The following SRGAP2 variants were observed in gnomAD, a reference collection of about 807,000 sequenced individuals.
The protein encoded by SRGAP2 is SLIT-ROBO Rho GTPase-activating protein 2.
SRGAP2 carries 15 observed loss-of-function variants against 57.2 expected under a neutral mutation model. The observed-to-expected ratio is 0.26, with a 90% CI of 0.18 to 0.40. SRGAP2 has a LOEUF of 0.40. Among genes scored for constraint, SRGAP2 ranks in the 10% least tolerant of loss-of-function variants. SRGAP2 has a pLI of 1.00. For missense variants in SRGAP2, 520 were observed against 669.6 expected (o/e 0.78, Z 2.47); for synonymous variants, 249 against 248.0 (o/e 1.00, Z -0.04).
chr1:206,450,255 T>C (rs552674125), intron 18 of SRGAP2, 131 bp from the exon 19 acceptor site: 4 of 621,004 alleles, frequency 6.4e-6, no homozygotes, highest in East Asian at 2.8e-5. Context: ...CATTTGTCTA[T>C]TGTGTGCAGT....
chr1:206,427,775 A>G (rs1660932978), intron 13 of SRGAP2, among the ~76,000 whole-genome samples: 1 of 152,102 alleles, frequency 6.6e-6, no homozygotes, highest in African/African-American at 2.4e-5. Flanking sequence ...TCTTTCTTCC[A>G]CACAGCTGAA....
intron 13 of SRGAP2, among the ~76,000 whole-genome samples, chr1:206,426,982 T>A (rs567449086): frequency 1.3e-5 from 2 of 152,360 alleles, no homozygotes; most frequent in East Asian, 3.9e-4. Context: ...TAATCCCATT[T>A]GTCTGTTTTT....
intron 2 of SRGAP2, among the ~76,000 whole-genome samples, chr1:206,257,867 C>T (rs1436849758): frequency 5.4e-5 from 8 of 146,972 alleles, no homozygotes; most frequent in African/African-American, 2.0e-4. Context: ...GGGATGGGTA[C>T]TAATGGGAAT....
intron 5 of SRGAP2, among the ~76,000 whole-genome samples, chr1:206,389,394 G>T (rs1420748986): frequency 2.0e-5 from 3 of 151,984 alleles, no homozygotes; most frequent in Non-Finnish European, 4.4e-5. Context: ...AGCCAGGATG[G>T]TCTCAATCTC....
At chr1:206,416,683 G>C (rs1380626103) in intron 11 of SRGAP2, among the ~76,000 whole-genome samples, 9 of 152,090 alleles carry the variant, frequency 5.9e-5, no homozygotes, top group African/African-American at 2.2e-4. Flanking sequence ...GGGTTTTTTG[G>C]CACCCTGCCC....
chr1:206,305,371 C>A (rs1395110696), intron 3 of SRGAP2, among the ~76,000 whole-genome samples: 1 of 151,726 alleles, frequency 6.6e-6, no homozygotes, highest in Non-Finnish European at 1.5e-5. Context: ...TCACTGGCAT[C>A]CTGTTACTTG....
intron 3 of SRGAP2, among the ~76,000 whole-genome samples, chr1:206,324,940 C>T (rs1483240299): frequency 6.7e-6 from 1 of 149,964 alleles, no homozygotes; most frequent in Non-Finnish European, 1.5e-5. Flanking sequence ...CAAGAGAAGC[C>T]CTTGAGGGAT....
At chr1:206,413,641 G>T (rs1659410345) in intron 10 of SRGAP2, among the ~76,000 whole-genome samples, 1 of 152,212 alleles carries the variant, frequency 6.6e-6, no homozygotes, top group Non-Finnish European at 1.5e-5. Context: ...ACCCAGAGGA[G>T]AGTGAGACTG....
chr1:206,205,429 G>A lies in SRGAP2; in HGVS notation c.-542G>A, dbSNP rs1456476962. On this transcript the variant is annotated splice_region_variant and 5_prime_UTR_variant, in exon 2 of 23. Coordinates refer to ENST00000573034, the MANE Select transcript of SRGAP2 (RefSeq NM_015326.5). ...CCTCCCCCTTTTCCTGCATTTACAG[G>A]CAAGTGAACCGGAGCAAACGACTTC... is the stretch of plus-strand genomic sequence containing the variant. The A allele has an allele frequency of 9.0e-6, 1 of 111,324 alleles. No individual in the cohort carries two copies. The highest frequency in any genetic ancestry group is 3.6e-5 in the African/African-American group (1 of 27,964). 6.9% of individuals were successfully genotyped at this position (111,324 alleles called of 1,614,324 possible).
chr1:206,370,181 G>A (rs1451386634), intron 4 of SRGAP2, among the ~76,000 whole-genome samples: 5 of 151,980 alleles, frequency 3.3e-5, no homozygotes, highest in African/African-American at 1.2e-4. Flanking sequence ...CAGGAGAATG[G>A]CGTGAACCCA....
intron 3 of SRGAP2, among the ~76,000 whole-genome samples, chr1:206,312,582 G>C (rs377018576): frequency 2.7e-5 from 4 of 150,472 alleles, no homozygotes; most frequent in African/African-American, 9.8e-5. Context: ...TGACCCTCTG[G>C]TTCCATCCCT....
chr1:206,457,048 C>G (rs1553378709), intron 21 of SRGAP2, among the ~76,000 whole-genome samples: 1 of 152,134 alleles, frequency 6.6e-6, no homozygotes, highest in East Asian at 1.9e-4. Context: ...ACGCTTCACT[C>G]AGATCCCCCA....
intron 2 of SRGAP2, among the ~76,000 whole-genome samples, chr1:206,253,573 C>CTTTT (rs71264673): frequency 5.6e-3 from 568 of 101,632 alleles, no homozygotes; most frequent in Non-Finnish European, 7.1e-3. Flanking sequence ...TTCTTTCTTT[C>CTTTT]TTTTTTTTTT....
At chr1:206,401,288 G>A (rs1363480180) in intron 7 of SRGAP2, 133 bp from the exon 8 acceptor site, 14 of 714,510 alleles carry the variant, frequency 2.0e-5, no homozygotes, top group Non-Finnish European at 2.9e-5. Context: ...CTTGGAAGTC[G>A]GAATGTCAGC....
At chr1:206,309,102 C>T (rs1370766854) in intron 3 of SRGAP2, among the ~76,000 whole-genome samples, 6 of 143,538 alleles carry the variant, frequency 4.2e-5, no homozygotes, top group African/African-American at 1.6e-4. Context: ...GGAGTTGGAG[C>T]CTACAGTGAG....
At chr1:206,438,950 C>G (rs1195313731) in intron 16 of SRGAP2, among the ~76,000 whole-genome samples, 1 of 152,128 alleles carries the variant, frequency 6.6e-6, no homozygotes, top group Non-Finnish European at 1.5e-5. Context: ...GAAGCTGGCT[C>G]TCTGGTTTGT....
At chr1:206,304,693 C>T (rs1173118339) in intron 3 of SRGAP2, among the ~76,000 whole-genome samples, 13 of 145,666 alleles carry the variant, frequency 8.9e-5, no homozygotes, top group Middle Eastern at 3.5e-3. Flanking sequence ...AACACACTGG[C>T]GATCAGAGAA....
Position 206,386,422 on chromosome 1 carries a change from A to G in SRGAP2, c.486+2346A>G, listed in dbSNP as rs573321065. Among the ~76,000 whole-genome samples, 858 of 143,954 alleles carry G rather than the reference A, an allele frequency of 6.0e-3. 11 individuals are homozygous for G. Among genetic ancestry groups the G allele is most frequent in the African/African-American group, 0.022 (825 of 38,318 alleles). 94.4% of individuals were successfully genotyped at this position (143,954 alleles called of 152,430 possible). A position where few individuals can be genotyped will look rare whatever the true frequency, so the allele number is the denominator to read the frequency against. ...CCATGCACTGGTATTTCTATATCCT[A>G]GGGGGTGGAGTAGTTGGGTGAGTTA... On this transcript the variant is annotated intron_variant, in intron 5 of 22. Coordinates refer to ENST00000573034, the MANE Select transcript of SRGAP2 (RefSeq NM_015326.5).
intron 2 of SRGAP2, among the ~76,000 whole-genome samples, chr1:206,274,775 G>T (rs1316570350): frequency 6.6e-6 from 1 of 152,076 alleles, no homozygotes; most frequent in Non-Finnish European, 1.5e-5. Flanking sequence ...ATCAAAAAGC[G>T]TATATTCCTG....
Sources: allele counts gnomAD v4.1 joint callset (sites outside exome capture counted in the v4.1 genomes callset), GRCh38; gene constraint gnomAD v4.1.1; transcripts MANE v1.5; gene names NCBI Gene and HGNC (gene_info 2026-07-23, HGNC 2026-07-21).